NOX4: variants seen among roughly 807,000 people sequenced by gnomAD.
NOX4 encodes kidney oxidase-1.
NOX4 carries 69 observed loss-of-function variants against 87.6 expected under a neutral mutation model. That is an observed-to-expected ratio of 0.79 (90% confidence interval 0.65 to 0.96). The LOEUF is 0.96. Among genes scored for constraint, NOX4 ranks in the 40% least tolerant of loss-of-function variants. The probability of loss-of-function intolerance (pLI) is 0.00; values close to 1 mark genes in which losing one functional copy is unlikely to be tolerated. For missense variants in NOX4, 680 were observed against 681.5 expected (o/e 1.00, Z 0.02); for synonymous variants, 275 against 238.2 (o/e 1.15, Z -1.42).
At position 89,423,368 on chromosome 11, in the gene NOX4, C is replaced by A. The variant is rs959127519; in HGVS notation, c.549-1386G>T. On this transcript the variant is annotated intron_variant, in intron 7 of 17. Coordinates refer to ENST00000263317, the MANE Select transcript of NOX4 (RefSeq NM_016931.5). The stretch of plus-strand genomic sequence containing the variant: ...TGACCTTTCTGTTTATAATCATTAC[C>A]CATTTCTATAGAGTATTTTTAATTC... 2.0e-5 allele frequency among the ~76,000 whole-genome samples: 3 copies of A among 151,442 alleles called. No individual in the cohort carries two copies. The South Asian group carries it at 6.2e-4, about 31-fold the overall frequency.
chr11:89,353,698 C>A (rs1937754360), intron 13 of NOX4, among the ~76,000 whole-genome samples: 2 of 152,092 alleles, frequency 1.3e-5, no homozygotes, highest in African/African-American at 4.8e-5. Flanking sequence ...ACCTGAGAAA[C>A]TACTATGACT....
intron 2 of NOX4, among the ~76,000 whole-genome samples, chr11:89,480,373 C>T (rs528227927): frequency 1.8e-4 from 27 of 152,068 alleles, no homozygotes; most frequent in Non-Finnish European, 2.8e-4. Flanking sequence ...GACAAAAACA[C>T]GACATAACAA....
At chr11:89,427,377 G>T (rs1226726436) in intron 7 of NOX4, among the ~76,000 whole-genome samples, 1 of 152,194 alleles carries the variant, frequency 6.6e-6, no homozygotes, top group Non-Finnish European at 1.5e-5. Context: ...CACAAAGAAT[G>T]ATTTTGACGA....
chr11:89,432,666 A>T lies in NOX4; in HGVS notation c.548+118T>A. The T allele has an allele frequency of 4.4e-6, 3 of 679,198 alleles. No homozygotes were observed. The East Asian group carries it at 8.2e-5, about 19-fold the overall frequency. 42.1% of individuals were successfully genotyped at this position (679,198 alleles called of 1,614,324 possible). A position where few individuals can be genotyped will look rare whatever the true frequency, so the allele number is the denominator to read the frequency against. On this transcript the variant is annotated intron_variant, in intron 7 of 17. Transcript: ENST00000263317. The stretch of plus-strand genomic sequence containing the variant: ...ATAGAAACAGCTATACTTCACTCTT[A>T]CTTACCCAGAATAGTCCATTAACCA...
Position 89,373,443 on chromosome 11 carries a change from CCTA to C in NOX4, c.1121_1123del (p.Val374del). The C allele has an allele frequency of 1.3e-6, 2 of 1,587,398 alleles. No homozygotes were observed. Among genetic ancestry groups the C allele is most frequent in the African/African-American group, 1.3e-5 (1 of 74,434 alleles). On this transcript the variant is annotated inframe_deletion, in exon 12 of 18. Coordinates refer to ENST00000263317, the MANE Select transcript of NOX4 (RefSeq NM_016931.5). ...TATGTTCTACATACCTGTCCAGTCT[CCTA>C]CTATTTTAAGATGAACCCCAAATGT...
intron 13 of NOX4, among the ~76,000 whole-genome samples, chr11:89,352,153 T>C (rs1305236688): frequency 6.6e-6 from 1 of 152,116 alleles, no homozygotes; most frequent in African/African-American, 2.4e-5. Flanking sequence ...AAATTACTTA[T>C]TGCATACAAT....
the NOX4 span, chr11:89,534,085 A>G: frequency 1.3e-5 from 2 of 152,160 alleles, no homozygotes; most frequent in Non-Finnish European, 2.9e-5. Flanking sequence ...CCTTCTCCTT[A>G]TTCTCCATTG....
In NOX4 at chr11:89,432,871, A is replaced by G. The variant is rs375448348; in HGVS notation, c.476-15T>C. The G allele has an allele frequency of 1.5e-4, 235 of 1,574,086 alleles. 1 individual carries two copies. The African/African-American group carries it at 2.6e-3, about 18-fold the overall frequency. ...CAGGCCAGGAACTATAAAAATGTATACAAGTAGGTTTTTACTTAAATCATA... is the reference window on the plus strand; with the variant it reads ...CAGGCCAGGAACTATAAAAATGTATGCAAGTAGGTTTTTACTTAAATCATA... On this transcript the variant is annotated splice_polypyrimidine_tract_variant and intron_variant, in intron 6 of 17. Coordinates refer to ENST00000263317, the MANE Select transcript of NOX4 (RefSeq NM_016931.5).
At chr11:89,390,820 C>T (rs1941070056) in intron 11 of NOX4, among the ~76,000 whole-genome samples, 1 of 152,114 alleles carries the variant, frequency 6.6e-6, no homozygotes. Flanking sequence ...ACATTTTCCC[C>T]TCCTCTTTTG....
chr11:89,560,282 A>T, the NOX4 span, among the ~76,000 whole-genome samples: 6 of 151,968 alleles, frequency 3.9e-5, no homozygotes, highest in Admixed American at 2.6e-4. Flanking sequence ...GACAAGGAAG[A>T]TTTTCTCCTA....
At chr11:89,401,903 T>C (rs188484534) in intron 9 of NOX4, among the ~76,000 whole-genome samples, 240 of 152,238 alleles carry the variant, frequency 1.6e-3, no homozygotes, top group African/African-American at 5.5e-3. Context: ...TATTAAGCAT[T>C]CAATAAATTG....
chr11:89,560,992 C>CTATATA, the NOX4 span, among the ~76,000 whole-genome samples: 11 of 68,190 alleles, frequency 1.6e-4, no homozygotes, highest in Admixed American at 3.6e-4. Flanking sequence ...CTCTCTCTCT[C>CTATATA]TCTCTATATA....
chr11:89,326,591 G>T lies in NOX4; in HGVS notation c.*165C>A. The T allele has an allele frequency of 1.9e-6, 1 of 516,352 alleles. No homozygotes were observed. The highest frequency in any genetic ancestry group is 3.3e-6 in the Non-Finnish European group (1 of 299,790). 32.0% of individuals were successfully genotyped at this position (516,352 alleles called of 1,614,324 possible). On this transcript the variant is annotated 3_prime_UTR_variant, in exon 18 of 18. Transcript: ENST00000263317. ...TTGGTTTCCAGATTAAACATGTAAT[G>T]TGACGGTCATCTTGCCACATTCTCA...
chr11:89,585,922 G>T, the NOX4 span, among the ~76,000 whole-genome samples: 2,375 of 152,190 alleles, frequency 0.016, 62 homozygotes, highest in African/African-American at 0.054. Context: ...GACAATCACT[G>T]AATATAAACA....
the NOX4 span, chr11:89,557,156 A>G: frequency 1.3e-5 from 2 of 152,210 alleles, no homozygotes; most frequent in East Asian, 1.9e-4. Flanking sequence ...TGAAAGCAAT[A>G]TCTAAAATAA....
the NOX4 span, among the ~76,000 whole-genome samples, chr11:89,549,085 G>A: frequency 1.3e-5 from 2 of 152,184 alleles, no homozygotes; most frequent in Non-Finnish European, 2.9e-5. Flanking sequence ...CTTCCAGGGA[G>A]CAAACCAAAA....
chr11:89,479,733 C>T (rs943016034), intron 2 of NOX4, among the ~76,000 whole-genome samples: 1 of 152,160 alleles, frequency 6.6e-6, no homozygotes, highest in African/African-American at 2.4e-5. Context: ...CAAAGTCCTT[C>T]TTTTCCTTTA....
intron 2 of NOX4, 65 bp from the exon 3 acceptor site, chr11:89,451,960 G>A: frequency 9.6e-7 from 1 of 1,042,210 alleles, no homozygotes; most frequent in African/African-American, 1.6e-5. Flanking sequence ...CCTGGCTCTA[G>A]AAGCTAGAGG....
the NOX4 span, among the ~76,000 whole-genome samples, chr11:89,578,702 G>T: frequency 2.6e-5 from 4 of 152,076 alleles, no homozygotes; most frequent in Admixed American, 2.0e-4. Flanking sequence ...ATATATTGAG[G>T]TCAACAGGAA....
Sources: gnomAD v4.1 joint callset for allele counts (sites outside exome capture counted in the v4.1 genomes callset) on GRCh38, gnomAD v4.1.1 for gene constraint, MANE v1.5 for transcripts, NCBI Gene and HGNC (gene_info 2026-07-23, HGNC 2026-07-21) for gene names.